Variants in CNTN5 observed in about 807,000 individuals in gnomAD.
CNTN5 encodes contactin 5, also known as contactin-5.
Under a neutral mutation model 129.1 loss-of-function variants are expected in CNTN5, and 77 were observed. The observed-to-expected ratio is 0.60, with a 90% CI of 0.50 to 0.72. The LOEUF is 0.72. Ranked by LOEUF, CNTN5 falls within the 30% of genes least tolerant of loss-of-function variation. The pLI is 0.00. For synonymous variants in CNTN5, 509 were observed against 465.6 expected (o/e 1.09, Z -1.20); for missense variants, 1,478 against 1,328.8 (o/e 1.11, Z -1.75).
chr11:100,164,198 C>T (rs866713632), intron 13 of CNTN5, among the ~76,000 whole-genome samples: 18 of 151,634 alleles, frequency 1.2e-4, no homozygotes, highest in Admixed American at 8.6e-4. Flanking sequence ...TTGGCATTGA[C>T]GATATGGACA....
chr11:100,206,178 T>TA (rs2138571246), intron 15 of CNTN5, among the ~76,000 whole-genome samples: 2 of 152,156 alleles, frequency 1.3e-5, no homozygotes, highest in African/African-American at 4.8e-5. Flanking sequence ...AACCAAATGT[T>TA]ACCTGTGCCT....
At chr11:99,256,105 A>G (rs1306412760) in intron 1 of CNTN5, among the ~76,000 whole-genome samples, 1 of 152,176 alleles carries the variant, frequency 6.6e-6, no homozygotes, top group African/African-American at 2.4e-5. Flanking sequence ...AACATATTCA[A>G]TATATTCTGA....
chr11:99,948,965 A>G (rs954846367), intron 7 of CNTN5, among the ~76,000 whole-genome samples: 1 of 152,172 alleles, frequency 6.6e-6, no homozygotes, highest in South Asian at 2.1e-4. Flanking sequence ...GAGGGTGCAA[A>G]TAGCCTTTGC....
At chr11:100,202,560 T>A (rs1017273855) in intron 15 of CNTN5, among the ~76,000 whole-genome samples, 1 of 150,506 alleles carries the variant, frequency 6.6e-6, no homozygotes, top group African/African-American at 2.4e-5. Context: ...TATATATTTA[T>A]ATTAAAAGCA....
chr11:99,184,536 A>G (rs1164520752), intron 1 of CNTN5, among the ~76,000 whole-genome samples: 1 of 152,076 alleles, frequency 6.6e-6, no homozygotes, highest in Admixed American at 6.6e-5. Context: ...GCAACATTTT[A>G]TATAGTGAGT....
intron 3 of CNTN5, among the ~76,000 whole-genome samples, chr11:99,754,152 G>A (rs971442176): frequency 7.2e-5 from 11 of 152,274 alleles, no homozygotes; most frequent in Admixed American, 6.5e-4. Flanking sequence ...TGATTGCTTA[G>A]CGTGTGTATC....
At chr11:99,693,579 G>A (rs527522024) in intron 3 of CNTN5, among the ~76,000 whole-genome samples, 2 of 152,104 alleles carry the variant, frequency 1.3e-5, no homozygotes, top group East Asian at 3.9e-4. Flanking sequence ...AGGGTGGATA[G>A]AGTAATGGAC....
At chr11:100,351,729 C>T (rs761189137) in intron 24 of CNTN5, among the ~76,000 whole-genome samples, 7 of 144,908 alleles carry the variant, frequency 4.8e-5, no homozygotes, top group Non-Finnish European at 9.0e-5. Flanking sequence ...TTTATGAGAA[C>T]ATTATGAAAC....
chr11:100,308,587 T>C, intron 21 of CNTN5, 119 bp downstream of exon 21: 3 of 1,417,644 alleles, frequency 2.1e-6, no homozygotes, highest in Non-Finnish European at 2.8e-6. Context: ...TTTTGCTCTA[T>C]GTTAAAGAAA....
At chr11:99,892,742 G>T (rs555370286) in intron 6 of CNTN5, among the ~76,000 whole-genome samples, 1 of 152,240 alleles carries the variant, frequency 6.6e-6, no homozygotes, top group East Asian at 1.9e-4. Flanking sequence ...TTGTAGTATA[G>T]TTTAAAGTCA....
At chr11:99,231,439 A>G (rs909180400) in intron 1 of CNTN5, among the ~76,000 whole-genome samples, 1 of 152,130 alleles carries the variant, frequency 6.6e-6, no homozygotes, top group Non-Finnish European at 1.5e-5. Context: ...TGCCTCTATA[A>G]ACGTCTATTT....
Position 99,639,161 on chromosome 11 carries a change from C to A in CNTN5, c.55+82892C>A, listed in dbSNP as rs879529890. 3.3e-5 allele frequency among the ~76,000 whole-genome samples: 5 copies of A among 152,360 alleles called. No homozygotes were observed. The South Asian group carries it at 8.3e-4, about 25-fold the overall frequency. On this transcript the variant is annotated intron_variant, in intron 3 of 24. Coordinates refer to ENST00000524871, the MANE Select transcript of CNTN5 (RefSeq NM_014361.4). The stretch of plus-strand genomic sequence containing the variant: ...ACGTGGACACTGCCAAGGCTTGGGG[C>A]TTCCACCCTCTGAAGCCACAGCCTG...
At chr11:99,326,529 A>G (rs1865792215) in intron 2 of CNTN5, among the ~76,000 whole-genome samples, 1 of 152,190 alleles carries the variant, frequency 6.6e-6, no homozygotes, top group Non-Finnish European at 1.5e-5. Flanking sequence ...CTTTTGGAAG[A>G]TGTAGGAGTC....
chr11:99,666,372 T>G (rs1239153768), intron 3 of CNTN5, among the ~76,000 whole-genome samples: 1 of 152,142 alleles, frequency 6.6e-6, no homozygotes. Flanking sequence ...CTTCTTGACT[T>G]TTTAGCTGGA....
chr11:100,080,261 A>AAAAT (rs1944308978), intron 13 of CNTN5, among the ~76,000 whole-genome samples: 1 of 152,148 alleles, frequency 6.6e-6, no homozygotes, highest in South Asian at 2.1e-4. Context: ...GCATACAAAA[A>AAAAT]AAATAAAATT....
intron 13 of CNTN5, among the ~76,000 whole-genome samples, chr11:100,162,303 C>T (rs560169274): frequency 2.0e-5 from 3 of 151,994 alleles, no homozygotes; most frequent in African/African-American, 7.2e-5. Context: ...AATGATAATG[C>T]AGCCACTTTC....
chr11:99,303,553 T>C (rs1307571005), intron 1 of CNTN5, among the ~76,000 whole-genome samples: 1 of 150,448 alleles, frequency 6.6e-6, no homozygotes, highest in African/African-American at 2.4e-5. Flanking sequence ...AGGAAAGAAA[T>C]AGAAAATCTT....
chr11:99,840,843 GAATGT>G (rs1355454334), intron 4 of CNTN5, among the ~76,000 whole-genome samples: 1 of 152,144 alleles, frequency 6.6e-6, no homozygotes, highest in African/African-American at 2.4e-5. Flanking sequence ...AAAGAGTGCA[GAATGT>G]AAGTATATGG....
At chr11:99,895,196 C>G (rs914172857) in intron 6 of CNTN5, among the ~76,000 whole-genome samples, 1 of 152,170 alleles carries the variant, frequency 6.6e-6, no homozygotes, top group African/African-American at 2.4e-5. Context: ...CAAGAGGGGA[C>G]AATGTCTCAC....
Sources: gnomAD v4.1 joint callset for allele counts (sites outside exome capture counted in the v4.1 genomes callset) on GRCh38, gnomAD v4.1.1 for gene constraint, MANE v1.5 for transcripts, NCBI Gene and HGNC (gene_info 2026-07-23, HGNC 2026-07-21) for gene names.